CA1: variants seen among roughly 807,000 people sequenced by gnomAD.
The protein encoded by CA1 is carbonic anhydrase 1.
Under a neutral mutation model 28.8 loss-of-function variants are expected in CA1, and 27 were observed. The ratio of observed to expected loss-of-function variants is 0.94; its 90% CI spans 0.69 to 1.29. The LOEUF (loss-of-function observed/expected upper bound fraction) is 1.29. Ranked by LOEUF, CA1 falls within the 50% of genes most tolerant of loss-of-function variation. The probability of loss-of-function intolerance (pLI) is 0.00; values close to 1 mark genes in which losing one functional copy is unlikely to be tolerated. For missense variants in CA1, 335 were observed against 310.5 expected (o/e 1.08, Z -0.59); for synonymous variants, 121 against 108.8 (o/e 1.11, Z -0.70).
In CA1 at chr8:85,354,286, C is replaced by T. The variant is rs943320745; in HGVS notation, c.-24-12627G>A. Among the ~76,000 whole-genome samples, 5 of 54,686 alleles carry T rather than the reference C, an allele frequency of 9.1e-5. No individual in the cohort carries two copies. The African/African-American group carries it at 9.4e-4, about 10-fold the overall frequency. The allele number at this position is 54,686 out of a possible 152,430, so 35.9% of individuals were successfully genotyped here. ...TACTGTGCCTGGCCCATTTTTCTTT[C>T]TTTTTTTTCTTTTTTTTTTAACATA... On this transcript the variant is annotated intron_variant, in intron 1 of 7. Coordinates refer to ENST00000523022, the MANE Select transcript of CA1 (RefSeq NM_001128831.4).
chr8:85,340,354 C>G (rs1056937523), intron 2 of CA1, among the ~76,000 whole-genome samples: 1 of 152,152 alleles, frequency 6.6e-6, no homozygotes, highest in Non-Finnish European at 1.5e-5. Context: ...CATCTATTTA[C>G]AGCCTGGTTT....
rs142009348 is a variant in CA1 at position 85,332,512 on chromosome 8, G to A, written c.491C>T (p.Ala164Val). ...ANPKLQKVLD[A>V]LQAIKTKGKR... Reference sequence around the variant, plus strand: ...TACCTTGGTTTTAATTGCTTGGAGGGCATCAAGTACTTTCTGCAGCTTTGG... The same window carrying A: ...TACCTTGGTTTTAATTGCTTGGAGGACATCAAGTACTTTCTGCAGCTTTGG... The change falls in exon 6 of 8, where the codon GCC becomes GTC. Residue 164 changes from alanine to valine, a missense_variant. Physicochemically the swap from Ala to Val is moderately conservative, Grantham distance 64. Coordinates refer to ENST00000523022, the MANE Select transcript of CA1 (RefSeq NM_001128831.4). 20 of 1,612,464 alleles carry A rather than the reference G, an allele frequency of 1.2e-5. No individual in the cohort carries two copies. The highest frequency in any genetic ancestry group is 1.7e-5 in the Non-Finnish European group (20 of 1,178,924).
intron 4 of CA1, among the ~76,000 whole-genome samples, chr8:85,336,226 A>G (rs1288641027): frequency 6.6e-6 from 1 of 152,222 alleles, no homozygotes; most frequent in Non-Finnish European, 1.5e-5. Flanking sequence ...AAAATTATAT[A>G]TATTATAGAA....
At chr8:85,344,390 A>T (rs1160467479) in intron 1 of CA1, among the ~76,000 whole-genome samples, 1 of 145,964 alleles carries the variant, frequency 6.9e-6, no homozygotes, top group Admixed American at 7.0e-5. Flanking sequence ...ATTAACACCA[A>T]TTAATTTCTA....
chr8:85,356,302 A>G (rs541707088), intron 1 of CA1, among the ~76,000 whole-genome samples: 19 of 152,304 alleles, frequency 1.2e-4, no homozygotes, highest in African/African-American at 4.6e-4. Flanking sequence ...GGCAGAAATA[A>G]CAATAACAAC....
intron 1 of CA1, among the ~76,000 whole-genome samples, chr8:85,374,291 A>G (rs551651369): frequency 6.6e-6 from 1 of 152,298 alleles, no homozygotes; most frequent in South Asian, 2.1e-4. Flanking sequence ...TTTTAATTTC[A>G]TAATTCTGGA....
At chr8:85,372,748 G>A (rs1382220808) in intron 1 of CA1, among the ~76,000 whole-genome samples, 1 of 152,112 alleles carries the variant, frequency 6.6e-6, no homozygotes, top group Non-Finnish European at 1.5e-5. Flanking sequence ...ATGCCATTCT[G>A]AGTAGTGTGA....
At chr8:85,349,135 G>A (rs540757456) in intron 1 of CA1, among the ~76,000 whole-genome samples, 1 of 152,142 alleles carries the variant, frequency 6.6e-6, no homozygotes, top group Admixed American at 6.5e-5. Context: ...GACACAACAG[G>A]TGCTTTTAAA....
At chr8:85,337,150 T>C in intron 3 of CA1, 87 bp from the exon 4 acceptor site, 1 of 814,442 alleles carries the variant, frequency 1.2e-6, no homozygotes, top group Non-Finnish European at 2.2e-6. Context: ...CACTAAATTG[T>C]ATTGAGTAGA....
intron 1 of CA1, among the ~76,000 whole-genome samples, chr8:85,375,639 GTC>G (rs1470116146): frequency 6.6e-6 from 1 of 152,152 alleles, no homozygotes; most frequent in Non-Finnish European, 1.5e-5. Flanking sequence ...ATGAGTTTGT[GTC>G]TCTTGGAGAG....
intron 1 of CA1, among the ~76,000 whole-genome samples, chr8:85,371,594 C>T (rs995211204): frequency 1.2e-4 from 19 of 152,130 alleles, no homozygotes; most frequent in African/African-American, 4.6e-4. Context: ...AGAATCTTGT[C>T]AGCAGTAGTC....
chr8:85,365,073 A>G (rs944939094), intron 1 of CA1, among the ~76,000 whole-genome samples: 1 of 152,210 alleles, frequency 6.6e-6, no homozygotes, highest in Non-Finnish European at 1.5e-5. Flanking sequence ...AGGAGGCCTC[A>G]GGCCCTGGTT....
chr8:85,351,627 C>T (rs1809415086), intron 1 of CA1: 1 of 152,152 alleles, frequency 6.6e-6, no homozygotes, highest in African/African-American at 2.4e-5. Context: ...CCTAGATCAC[C>T]CATTTTTCCA....
At chr8:85,340,559 A>C (rs1406143986) in intron 2 of CA1, among the ~76,000 whole-genome samples, 1 of 152,152 alleles carries the variant, frequency 6.6e-6, no homozygotes, top group Non-Finnish European at 1.5e-5. Flanking sequence ...AGTAATTTCA[A>C]CTTTCAAATC....
At position 85,329,714 on chromosome 8, in the gene CA1, T is replaced by C. The variant is rs1251167520; in HGVS notation, c.644A>G (p.Glu215Gly). 1 of 1,610,926 alleles carries C rather than the reference T, an allele frequency of 6.2e-7. No individual in the cohort carries two copies. Among genetic ancestry groups the C allele is most frequent in the South Asian group, 1.1e-5 (1 of 90,544 alleles). ...YESVTWIICK[E>G]SISVSSEQLA... ...CTGCTCTGAGCTGACACTGATGCTC[T>C]CCTTACAGATGATCCAAGTTACACT... The change falls in exon 7 of 8, where the codon GAG becomes GGG. Residue 215 changes from glutamate (E) to glycine (G), a missense_variant. Transcript: ENST00000523022.
At chr8:85,362,317 T>C (rs1337863184) in intron 1 of CA1, among the ~76,000 whole-genome samples, 6 of 152,204 alleles carry the variant, frequency 3.9e-5, no homozygotes, top group Admixed American at 3.9e-4. Context: ...ATCACATCTG[T>C]GAAGTCCCTT....
chr8:85,362,913 A>C (rs1429617304), intron 1 of CA1, among the ~76,000 whole-genome samples: 1 of 152,148 alleles, frequency 6.6e-6, no homozygotes, highest in Non-Finnish European at 1.5e-5. Context: ...AAAACTAAAG[A>C]TGTGTAGTTT....
rs11372515 is a variant in CA1, at chr8:85,354,295, C to CTT, written c.-24-12638_-24-12637dup. ...TGGCCCATTTTTCTTTCTTTTTTTTCTTTTTTTTTTAACATAAGGAAAAAC... is the reference window on the plus strand; with the variant it reads ...TGGCCCATTTTTCTTTCTTTTTTTTCTTTTTTTTTTTTAACATAAGGAAAAAC... On this transcript the variant is annotated intron_variant, in intron 1 of 7. Coordinates refer to ENST00000523022, the MANE Select transcript of CA1 (RefSeq NM_001128831.4). Among the ~76,000 whole-genome samples the CTT allele has an allele frequency of 6.8e-3, 1,008 of 147,532 alleles. 10 individuals carry two copies. Among genetic ancestry groups the CTT allele is most frequent in the African/African-American group, 0.01 (416 of 40,012 alleles).
intron 1 of CA1, among the ~76,000 whole-genome samples, chr8:85,347,132 T>C (rs1809223782): frequency 6.6e-6 from 1 of 152,246 alleles, no homozygotes; most frequent in Admixed American, 6.5e-5. Flanking sequence ...AAATCAGCTT[T>C]TTTAGCTCTT....
Sources: allele counts gnomAD v4.1 joint callset (sites outside exome capture counted in the v4.1 genomes callset), GRCh38; gene constraint gnomAD v4.1.1; transcripts MANE v1.5; gene names NCBI Gene and HGNC (gene_info 2026-07-23, HGNC 2026-07-21).